The following PIEZO2 variants were observed in gnomAD, a reference collection of about 807,000 sequenced individuals.
PIEZO2 encodes the protein piezo-type mechanosensitive ion channel component 2.
PIEZO2 carries 172 observed loss-of-function variants against 337.3 expected under a neutral mutation model. The ratio of observed to expected loss-of-function variants is 0.51; its 90% CI spans 0.45 to 0.58. The LOEUF (loss-of-function observed/expected upper bound fraction) is 0.58. PIEZO2 is among the 20% of genes least tolerant of loss of function. The pLI is 0.00. For missense variants in PIEZO2, 3,028 were observed against 3,391.3 expected (o/e 0.89, Z 2.66); for synonymous variants, 1,251 against 1,228.5 (o/e 1.02, Z -0.38).
intron 32 of PIEZO2, among the ~76,000 whole-genome samples, chr18:10,741,920 G>A (rs1399503482): frequency 3.3e-5 from 5 of 152,276 alleles, no homozygotes; most frequent in African/African-American, 7.2e-5. Flanking sequence ...TTGGGAGGCC[G>A]AGGTGGGCGG....
chr18:10,879,909 G>C (rs2042367978), intron 4 of PIEZO2, among the ~76,000 whole-genome samples: 2 of 152,130 alleles, frequency 1.3e-5, no homozygotes, highest in Admixed American at 1.3e-4. Context: ...GTGAATATGA[G>C]TGTATATCAT....
At chr18:10,705,839 T>C in intron 40 of PIEZO2, 93 bp from the exon 41 acceptor site, 1 of 1,377,836 alleles carries the variant, frequency 7.3e-7, no homozygotes, top group Non-Finnish European at 9.6e-7. Flanking sequence ...TCAGAACTCC[T>C]AAGGAAATGC....
At position 10,872,640 on chromosome 18, in the gene PIEZO2, C is replaced by G. The variant is rs534803366; in HGVS notation, c.330-1225G>C. Among the ~76,000 whole-genome samples, 1 of 152,344 alleles carries G rather than the reference C, an allele frequency of 6.6e-6. No individual in the cohort carries two copies. The highest frequency in any genetic ancestry group is 2.1e-4 in the South Asian group (1 of 4,826). ...GCCTGCCCTGTGTGCCTTTGCAACA[C>G]TGAGCAACTGGGCTTGCAGTGCTCT... is the stretch of plus-strand genomic sequence containing the variant. On this transcript the variant is annotated intron_variant, in intron 4 of 55. Transcript: ENST00000674853. The surrounding 1 kb of genome is among the most constrained non-coding windows in gnomAD (Gnocchi z 4.3).
intron 1 of PIEZO2, among the ~76,000 whole-genome samples, chr18:11,095,223 A>G (rs1424776623): frequency 6.6e-6 from 1 of 152,192 alleles, no homozygotes; most frequent in South Asian, 2.1e-4. Flanking sequence ...ATAAACAAAA[A>G]CCTTATCAGC....
intron 5 of PIEZO2, among the ~76,000 whole-genome samples, chr18:10,865,514 G>T (rs748367965): frequency 2.6e-5 from 4 of 152,122 alleles, no homozygotes; most frequent in Non-Finnish European, 4.4e-5. Flanking sequence ...ACAGACAAAG[G>T]CCCCAAGAAA....
intron 2 of PIEZO2, among the ~76,000 whole-genome samples, chr18:11,030,207 ACACT>A (rs1472018522): frequency 2.6e-5 from 4 of 152,202 alleles, no homozygotes; most frequent in Non-Finnish European, 5.9e-5. Flanking sequence ...GTTTGAATAA[ACACT>A]CGCTACTTAT....
intron 2 of PIEZO2, among the ~76,000 whole-genome samples, chr18:11,019,573 G>A (rs1028957239): frequency 2.6e-5 from 4 of 152,148 alleles, no homozygotes; most frequent in Non-Finnish European, 5.9e-5. Context: ...CAGGACTCCT[G>A]CACGGAAGAC....
rs9948541 is a variant in PIEZO2, at chr18:11,018,745, T to C, written c.161-39085A>G. Among the ~76,000 whole-genome samples, 1,097 of 152,246 alleles carry C rather than the reference T, an allele frequency of 7.2e-3. 11 individuals are homozygous for C. Among genetic ancestry groups the C allele is most frequent in the African/African-American group, 0.025 (1,028 of 41,522 alleles). ...GAACAGAAATGATGTCTCCTTCCTTTTGGAACCCCATGAAGAGATCTCATT... is the reference window on the plus strand; with the variant it reads ...GAACAGAAATGATGTCTCCTTCCTTCTGGAACCCCATGAAGAGATCTCATT... On this transcript the variant is annotated intron_variant, in intron 2 of 55. Coordinates refer to ENST00000674853, the MANE Select transcript of PIEZO2 (RefSeq NM_001378183.1).
At position 11,148,375 on chromosome 18, in the gene PIEZO2, G is replaced by T. The variant is rs12456886; in HGVS notation, c.64+150C>A. Reference sequence around the variant, plus strand: ...CCAGAGTGGGAAGTGAGAGAGCCAGGCTGTGCACCAGGGACAGCGCGCGTC... The same window carrying T: ...CCAGAGTGGGAAGTGAGAGAGCCAGTCTGTGCACCAGGGACAGCGCGCGTC... On this transcript the variant is annotated intron_variant, in intron 1 of 55. Transcript: ENST00000674853. The surrounding 1 kb of genome is among the most constrained non-coding windows in gnomAD (Gnocchi z 5.2). 9 of 843,228 alleles carry T rather than the reference G, an allele frequency of 1.1e-5. No individual in the cohort carries two copies. Among genetic ancestry groups the T allele is most frequent in the Admixed American group, 9.3e-5 (4 of 43,018 alleles). The allele number at this position is 843,228 out of a possible 1,614,324, so 52.2% of individuals were successfully genotyped here.
At chr18:10,764,607 T>C (rs923674877) in intron 21 of PIEZO2, among the ~76,000 whole-genome samples, 2 of 151,850 alleles carry the variant, frequency 1.3e-5, no homozygotes, top group African/African-American at 4.8e-5. Flanking sequence ...AAAAAAAGTT[T>C]AAAAAATTAT....
chr18:10,959,882 CTT>C, intron 3 of PIEZO2, among the ~76,000 whole-genome samples: 1 of 152,154 alleles, frequency 6.6e-6, no homozygotes, highest in Non-Finnish European at 1.5e-5. Context: ...ACCCTAGAAA[CTT>C]AGAATATCTG....
chr18:10,983,584 G>A (rs80257124), intron 2 of PIEZO2, among the ~76,000 whole-genome samples: 2,619 of 152,076 alleles, frequency 0.017, 87 homozygotes, highest in African/African-American at 0.059. Flanking sequence ...ACAACAACTG[G>A]TGTCCAATTC....
At position 10,731,699 on chromosome 18, in the gene PIEZO2, G is replaced by A. The variant is rs927746890; in HGVS notation, c.4915-178C>T. Among the ~76,000 whole-genome samples, 3 of 151,778 alleles carry A rather than the reference G, an allele frequency of 2.0e-5. No individual in the cohort carries two copies. The East Asian group carries it at 5.8e-4, about 29-fold the overall frequency. The stretch of plus-strand genomic sequence containing the variant: ...TTTTTAGAAAAAGACAACAGATGTT[G>A]TAGTAATATATTTCATCTGGTATCA... On this transcript the variant is annotated intron_variant, in intron 35 of 55. Coordinates refer to ENST00000674853, the MANE Select transcript of PIEZO2 (RefSeq NM_001378183.1).
At chr18:10,692,938 A>G (rs563360365) in intron 47 of PIEZO2, among the ~76,000 whole-genome samples, 45 of 152,254 alleles carry the variant, frequency 3.0e-4, no homozygotes, top group African/African-American at 9.9e-4. Context: ...TGGTCAATCT[A>G]TAGATCAATT....
chr18:10,874,954 T>C (rs1270564824), intron 4 of PIEZO2, among the ~76,000 whole-genome samples: 1 of 152,182 alleles, frequency 6.6e-6, no homozygotes, highest in East Asian at 1.9e-4. Context: ...TCAAAATAGC[T>C]AGAAGATTTA....
intron 2 of PIEZO2, among the ~76,000 whole-genome samples, chr18:11,054,088 T>C (rs2037632618): frequency 6.6e-6 from 1 of 152,208 alleles, no homozygotes; most frequent in Admixed American, 6.5e-5. Flanking sequence ...CGACCTGACC[T>C]GACGTTAATT....
rs1431608272 is a variant in PIEZO2, at chr18:10,993,269, G to A, written c.161-13609C>T. Among the ~76,000 whole-genome samples the A allele has an allele frequency of 1.3e-5, 2 of 152,162 alleles. No homozygotes were observed. The highest frequency in any genetic ancestry group is 4.8e-5 in the African/African-American group (2 of 41,436). On this transcript the variant is annotated intron_variant, in intron 2 of 55. Transcript: ENST00000674853. This position sits in a 1 kb window ranked among gnomAD's most constrained non-coding sequence, Gnocchi z 5.0. ...AGAACTTCCAATACTATGTTGAATA[G>A]GAGTGGTGAGAGAGTGCCGGTTTTC...
In PIEZO2 at chr18:11,111,825, A is replaced by G. The variant is rs2039747598; in HGVS notation, c.64+36700T>C. ...CTTGTAGGTTAAATTATTCTTGATG[A>G]GAAGCAACTTAAATATTACTTTTAG... On this transcript the variant is annotated intron_variant, in intron 1 of 55. Transcript: ENST00000674853. The surrounding 1 kb of genome is among the most constrained non-coding windows in gnomAD (Gnocchi z 6.2). Among the ~76,000 whole-genome samples, 1 of 152,224 alleles carries G rather than the reference A, an allele frequency of 6.6e-6. No individual in the cohort carries two copies. Among genetic ancestry groups the G allele is most frequent in the Non-Finnish European group, 1.5e-5 (1 of 68,048 alleles).
chr18:10,772,407 A>G (rs2038635852), intron 20 of PIEZO2, among the ~76,000 whole-genome samples: 1 of 152,214 alleles, frequency 6.6e-6, no homozygotes, highest in South Asian at 2.1e-4. Context: ...ATCTTGAAGT[A>G]GTGTCATAAA....
Sources: allele counts gnomAD v4.1 joint callset (sites outside exome capture counted in the v4.1 genomes callset), GRCh38; gene constraint gnomAD v4.1.1; non-coding constraint Gnocchi (gnomAD v3.1); transcripts MANE v1.5; gene names NCBI Gene and HGNC (gene_info 2026-07-23, HGNC 2026-07-21).